Variants in EHMT1 observed in about 807,000 individuals in gnomAD.
EHMT1 encodes the protein euchromatic histone lysine methyltransferase 1.
EHMT1 carries 15 observed loss-of-function variants against 147.2 expected under a neutral mutation model. That is an observed-to-expected ratio of 0.10 (90% CI 0.07 to 0.16). The LOEUF (loss-of-function observed/expected upper bound fraction) is 0.16, where lower values mean the gene tolerates loss of function less well. Ranked by LOEUF, EHMT1 falls within the 10% of genes least tolerant of loss-of-function variation. EHMT1 has a pLI of 1.00. For missense variants in EHMT1, 1,587 were observed against 1,772.4 expected, an observed-to-expected ratio of 0.90 and a Z score of 1.88; for synonymous variants, 795 against 709.6, an observed-to-expected ratio of 1.12 and a Z score of -1.91.
intron 16 of EHMT1, 93 bp downstream of exon 16, chr9:137,791,063 C>G: frequency 6.2e-7 from 1 of 1,604,124 alleles, no homozygotes; most frequent in Non-Finnish European, 8.5e-7. Context: ...ATCTCCAGGA[C>G]TTGGGGCCTT....
intron 10 of EHMT1, among the ~76,000 whole-genome samples, chr9:137,768,793 G>T (rs867537576): frequency 6.6e-6 from 1 of 150,836 alleles, no homozygotes; most frequent in African/African-American, 2.4e-5. Context: ...CTCGTGATCC[G>T]CCCGCCTCGG....
At chr9:137,686,338 T>C (rs1216217730) in intron 1 of EHMT1, among the ~76,000 whole-genome samples, 1 of 151,964 alleles carries the variant, frequency 6.6e-6, no homozygotes, top group Non-Finnish European at 1.5e-5. Flanking sequence ...TTTTATAGTT[T>C]TATCTCATAT....
rs766881322 is a variant in EHMT1, at chr9:137,744,105, C to G, written c.1170+15C>G. On this transcript the variant is annotated intron_variant, in intron 6 of 26. Coordinates refer to ENST00000460843, the MANE Select transcript of EHMT1 (RefSeq NM_024757.5). ...GCGCCCAGAAGGTATGTGTTGCTGT[C>G]TTGGGTGACAGCACAAGGAAAGAGC... 9 of 1,613,740 alleles carry G rather than the reference C, an allele frequency of 5.6e-6. No homozygotes were observed. The highest frequency in any genetic ancestry group is 7.6e-6 in the Non-Finnish European group (9 of 1,180,028).
intron 3 of EHMT1, among the ~76,000 whole-genome samples, chr9:137,726,755 C>G (rs554126774): frequency 6.6e-6 from 1 of 152,358 alleles, no homozygotes; most frequent in African/African-American, 2.4e-5. Context: ...TTCTCCAGTT[C>G]TCACAACACG....
At chr9:137,730,746 T>C (rs1420217898) in intron 4 of EHMT1, among the ~76,000 whole-genome samples, 2 of 152,256 alleles carry the variant, frequency 1.3e-5, no homozygotes, top group East Asian at 3.8e-4. Context: ...CGTGGGCACC[T>C]CTTCAGGAAG....
At chr9:137,698,353 A>G (rs1943569857) in intron 1 of EHMT1, among the ~76,000 whole-genome samples, 1 of 152,224 alleles carries the variant, frequency 6.6e-6, no homozygotes, top group Non-Finnish European at 1.5e-5. Context: ...TCTTCACCTC[A>G]TGGTGGTATT....
chr9:137,757,271 C>G (rs1208314437), intron 8 of EHMT1, among the ~76,000 whole-genome samples: 1 of 152,254 alleles, frequency 6.6e-6, no homozygotes, highest in Non-Finnish European at 1.5e-5. Flanking sequence ...GGACACCGGT[C>G]CTTCTCACAG....
chr9:137,759,143 A>C (rs913425529), intron 9 of EHMT1, among the ~76,000 whole-genome samples: 4 of 152,040 alleles, frequency 2.6e-5, no homozygotes, highest in African/African-American at 9.7e-5. Flanking sequence ...AAAAAACAAA[A>C]AACAACAACA....
At chr9:137,640,856 C>G (rs894708865) in intron 1 of EHMT1, 1 of 152,866 alleles carries the variant, frequency 6.5e-6, no homozygotes. Flanking sequence ...GTATTTCCCC[C>G]CCAGATAAGT....
chr9:137,623,605 G>C (rs1843073974), intron 1 of EHMT1, among the ~76,000 whole-genome samples: 1 of 152,000 alleles, frequency 6.6e-6, no homozygotes, highest in African/African-American at 2.4e-5. Context: ...ATTTTTGGTA[G>C]AGACGGGGTT....
At chr9:137,793,016 A>G (rs6559225) in intron 16 of EHMT1, among the ~76,000 whole-genome samples, 50,291 of 152,034 alleles carry the variant, frequency 0.33, 8,613 homozygotes, top group Admixed American at 0.43. Flanking sequence ...ATGCGCGGCA[A>G]AGCAGCTCCC....
intron 1 of EHMT1, among the ~76,000 whole-genome samples, chr9:137,619,485 G>T (rs1206755662): frequency 6.6e-6 from 1 of 152,126 alleles, no homozygotes; most frequent in Non-Finnish European, 1.5e-5. Context: ...GCCGAGGCGA[G>T]GCTGTCCCTC....
At chr9:137,723,334 T>C (rs1458713111) in intron 3 of EHMT1, among the ~76,000 whole-genome samples, 11 of 102,396 alleles carry the variant, frequency 1.1e-4, no homozygotes, top group African/African-American at 2.0e-4. Flanking sequence ...CCGGGGTGTG[T>C]CTGTGTCCGT....
Position 137,648,730 on chromosome 9 carries a change from T to C in EHMT1, c.21+29681T>C, listed in dbSNP as rs543409521. On this transcript the variant is annotated intron_variant, in intron 1 of 26. Transcript: ENST00000460843. ...TCTCCCAAGTTAATGCAAAAACTTA[T>C]CCTTTATGTCTGTAAAAATGCCAAC... is the stretch of plus-strand genomic sequence containing the variant. Among the ~76,000 whole-genome samples, 16 of 152,324 alleles carry C rather than the reference T, an allele frequency of 1.1e-4. No individual in the cohort carries two copies. The East Asian group carries it at 1.7e-3, about 17-fold the overall frequency.
intron 1 of EHMT1, among the ~76,000 whole-genome samples, chr9:137,669,182 C>T (rs980469657): frequency 3.3e-5 from 5 of 152,252 alleles, no homozygotes; most frequent in South Asian, 2.1e-4. Flanking sequence ...CCACTGTTCC[C>T]GGCCTAGAAG....
intron 4 of EHMT1, among the ~76,000 whole-genome samples, chr9:137,739,795 C>A (rs1947892361): frequency 6.6e-6 from 1 of 152,210 alleles, no homozygotes; most frequent in Non-Finnish European, 1.5e-5. Context: ...TTCGTGCCTT[C>A]TGCATAGGTG....
At chr9:137,754,066 A>G in intron 7 of EHMT1, 105 bp from the exon 8 acceptor site, 2 of 1,571,632 alleles carry the variant, frequency 1.3e-6, no homozygotes, top group South Asian at 2.2e-5. Context: ...TTGAAGATCA[A>G]GACATAGCCA....
At chr9:137,824,803 C>T (rs1005377613) in intron 25 of EHMT1, among the ~76,000 whole-genome samples, 23 of 152,086 alleles carry the variant, frequency 1.5e-4, no homozygotes, top group Admixed American at 5.9e-4. Flanking sequence ...GGAAATAATG[C>T]GGAAATACTT....
At chr9:137,817,726 C>G (rs1230101212) in intron 24 of EHMT1, 1 of 686,292 alleles carries the variant, frequency 1.5e-6, no homozygotes, top group Non-Finnish European at 2.5e-6. Flanking sequence ...GTAACCAGCC[C>G]AGGAGTGCAT....
Sources: allele counts gnomAD v4.1 joint callset (sites outside exome capture counted in the v4.1 genomes callset), GRCh38; gene constraint gnomAD v4.1.1; transcripts MANE v1.5; gene names NCBI Gene and HGNC (gene_info 2026-07-23, HGNC 2026-07-21).